DNAI3: variants seen among roughly 807,000 people sequenced by gnomAD.
The protein encoded by DNAI3 is WD repeat domain 63.
Under a neutral mutation model 115.5 loss-of-function variants are expected in DNAI3, and 83 were observed. That is an observed-to-expected ratio of 0.72 (90% CI 0.60 to 0.86). The LOEUF is 0.86. Among genes scored for constraint, DNAI3 ranks in the 40% least tolerant of loss-of-function variants. The probability of loss-of-function intolerance (pLI) is 0.00; values close to 1 mark genes in which losing one functional copy is unlikely to be tolerated. For missense variants in DNAI3, 1,004 were observed against 1,075.8 expected, an observed-to-expected ratio of 0.93 and a Z score of 0.93; for synonymous variants, 320 against 347.0, an observed-to-expected ratio of 0.92 and a Z score of 0.86.
chr1:85,077,501 A>T (rs1654494787), intron 3 of DNAI3, among the ~76,000 whole-genome samples: 1 of 152,172 alleles, frequency 6.6e-6, no homozygotes, highest in Non-Finnish European at 1.5e-5. Flanking sequence ...TCTTTTATGG[A>T]ATACTTGCCA....
rs575261056 is a variant in DNAI3 at position 85,129,948 on chromosome 1, C to T, written c.2410-42C>T. On this transcript the variant is annotated intron_variant, in intron 21 of 22. Coordinates refer to ENST00000294664, the MANE Select transcript of DNAI3 (RefSeq NM_145172.5). Reference sequence around the variant, plus strand: ...CAGAGCCTTGTAAAGGTCATGGGGGCTTCCTGCCTGTCACCCTCTCATGGA... The same window carrying T: ...CAGAGCCTTGTAAAGGTCATGGGGGTTTCCTGCCTGTCACCCTCTCATGGA... 4.4e-6 allele frequency: 7 copies of T among 1,587,738 alleles called. No individual in the cohort carries two copies. The East Asian group carries it at 1.6e-4, about 36-fold the overall frequency.
At chr1:85,106,423 A>T (rs1655492796) in intron 14 of DNAI3, among the ~76,000 whole-genome samples, 1 of 152,178 alleles carries the variant, frequency 6.6e-6, no homozygotes, top group African/African-American at 2.4e-5. Context: ...CAACAATAAA[A>T]ACCCAAATGA....
At position 85,090,128 on chromosome 1, in the gene DNAI3, A is replaced by G. The variant is rs752757247; in HGVS notation, c.753A>G (p.Lys251=). 2.6e-6 allele frequency: 4 copies of G among 1,554,268 alleles called. No individual in the cohort carries two copies. Among genetic ancestry groups the G allele is most frequent in the Non-Finnish European group, 3.5e-6 (4 of 1,154,016 alleles). ...ISTQTKWTYP[K]NATTQYYPRE... ...TTTAATATATTAGGACATATCCTAA[A>G]AATGCTACTACGCAATATTATCCAA... The change falls in exon 8 of 23, where the codon AAA becomes AAG. Residue 251 remains lysine, a synonymous_variant. Coordinates refer to ENST00000294664, the MANE Select transcript of DNAI3 (RefSeq NM_145172.5).
intron 14 of DNAI3, among the ~76,000 whole-genome samples, chr1:85,107,008 A>T (rs1194766224): frequency 1.3e-5 from 2 of 152,228 alleles, no homozygotes; most frequent in African/African-American, 4.8e-5. Flanking sequence ...GCACAAATGC[A>T]ACCCAAAACT....
At chr1:85,110,279 G>A in intron 16 of DNAI3, 144 bp downstream of exon 16, 4 of 628,598 alleles carry the variant, frequency 6.4e-6, no homozygotes, top group Non-Finnish European at 7.7e-6. Context: ...GTGAAACCCC[G>A]TCTCTACTAA....
intron 17 of DNAI3, among the ~76,000 whole-genome samples, chr1:85,118,089 T>G (rs576144329): frequency 1.3e-5 from 2 of 152,342 alleles, no homozygotes; most frequent in South Asian, 4.1e-4. Flanking sequence ...ACTTTTTAAC[T>G]AATAATATAT....
chr1:85,126,747 A>G (rs1656155615), intron 20 of DNAI3, 32 bp downstream of exon 20: 1 of 1,611,590 alleles, frequency 6.2e-7, no homozygotes, highest in African/African-American at 1.3e-5. Context: ...AAGCTAAGTC[A>G]TTTTGGGTAA....
intron 13 of DNAI3, among the ~76,000 whole-genome samples, chr1:85,101,870 A>G (rs749796388): frequency 6.6e-6 from 1 of 152,040 alleles, no homozygotes; most frequent in Non-Finnish European, 1.5e-5. Flanking sequence ...AATGATTGAC[A>G]GATTCAAAAT....
chr1:85,113,864 A>G (rs765280872), intron 16 of DNAI3, among the ~76,000 whole-genome samples: 7 of 152,144 alleles, frequency 4.6e-5, no homozygotes, highest in Non-Finnish European at 8.8e-5. Context: ...TTTCTCAGAT[A>G]TGTTTTGTAT....
At chr1:85,077,748 T>A (rs1299162964) in intron 3 of DNAI3, among the ~76,000 whole-genome samples, 2 of 152,146 alleles carry the variant, frequency 1.3e-5, no homozygotes, top group African/African-American at 4.8e-5. Flanking sequence ...TTTATCTTGA[T>A]TGTGGTAATG....
At chr1:85,109,972 GA>G in intron 15 of DNAI3, 75 bp from the exon 16 acceptor site, 1 of 1,417,316 alleles carries the variant, frequency 7.1e-7, no homozygotes, top group Non-Finnish European at 9.9e-7. Flanking sequence ...GAGCAGAAGG[GA>G]AAGGCAAGAA....
In DNAI3 at chr1:85,084,684, T is replaced by C. The variant is rs781647107; in HGVS notation, c.529T>C (p.Ser177Pro). The change falls in exon 6 of 23, where the codon TCT becomes CCT. Residue 177 changes from serine to proline, a missense_variant. Coordinates refer to ENST00000294664, the MANE Select transcript of DNAI3 (RefSeq NM_145172.5). The part of the protein sequence containing the change: ...KEIEEESVTE[S>P]TKQITYMISR... ...AATTGAGGAAGAATCAGTTACGGAA[T>C]CTACAAAGCAGGTTAGAGGGTTATA... 5.2e-6 allele frequency: 8 copies of C among 1,525,208 alleles called. No individual in the cohort carries two copies. Among genetic ancestry groups the C allele is most frequent in the South Asian group, 1.3e-5 (1 of 75,888 alleles). The allele number at this position is 1,525,208 out of a possible 1,614,324, so 94.5% of individuals were successfully genotyped here.
chr1:85,081,294 G>A lies in DNAI3; in HGVS notation c.164G>A (p.Arg55Gln), dbSNP rs370422920. The part of the protein sequence containing the change: ...TTKTQEIFNC[R>Q]IDEDVTDEQP... ...AAGACCCAAGAAATATTTAACTGCC[G>A]AATAGATGAAGATGTCACAGATGAA... Residue 55 changes from arginine (R) to glutamine (Q), a missense_variant, in exon 4 of 23, where the codon CGA (arginine) becomes CAA (glutamine). Physicochemically the swap from Arg to Gln is conservative, Grantham distance 43 (BLOSUM62 1). Coordinates refer to ENST00000294664, the MANE Select transcript of DNAI3 (RefSeq NM_145172.5). 69 of 1,599,954 alleles carry A rather than the reference G, an allele frequency of 4.3e-5. No homozygotes were observed. Among genetic ancestry groups the A allele is most frequent in the Non-Finnish European group, 5.4e-5 (64 of 1,175,468 alleles).
At chr1:85,072,756 C>G (rs536747648) in intron 2 of DNAI3, among the ~76,000 whole-genome samples, 6 of 151,502 alleles carry the variant, frequency 4.0e-5, no homozygotes, top group East Asian at 1.9e-4. Flanking sequence ...GAGATGGAGA[C>G]CATCCTGGTT....
chr1:85,094,765 T>C (rs985412958), intron 10 of DNAI3, among the ~76,000 whole-genome samples: 1 of 152,252 alleles, frequency 6.6e-6, no homozygotes, highest in African/African-American at 2.4e-5. Flanking sequence ...AACATGCTAT[T>C]TTTTTCAAAG....
rs1357208839 is a variant in DNAI3, at chr1:85,110,472, AATAAATAAATAC to A, written c.1786+340_1786+351del. 7.5e-4 allele frequency among the ~76,000 whole-genome samples: 114 copies of A among 151,140 alleles called. 1 individual carries two copies. The highest frequency in any genetic ancestry group is 2.6e-3 in the African/African-American group (107 of 41,322). On this transcript the variant is annotated intron_variant, in intron 16 of 22. Coordinates refer to ENST00000294664, the MANE Select transcript of DNAI3 (RefSeq NM_145172.5). Reference sequence around the variant, plus strand: ...TCTCAAATAAATAAATAAATAAATAAATAAATAAATACATTTACTAATTTGAGTGTTAGTAGC... The same window carrying A: ...TCTCAAATAAATAAATAAATAAATAAATTTACTAATTTGAGTGTTAGTAGC...
intron 4 of DNAI3, 33 bp downstream of exon 4, chr1:85,081,448 T>C: frequency 6.6e-7 from 1 of 1,505,772 alleles, no homozygotes; most frequent in South Asian, 1.4e-5. Flanking sequence ...TTTTCAGTCC[T>C]ACCTCAAGAA....
intron 1 of DNAI3, among the ~76,000 whole-genome samples, chr1:85,065,953 C>T (rs992323718): frequency 2.6e-5 from 4 of 152,126 alleles, no homozygotes; most frequent in Admixed American, 6.5e-5. Flanking sequence ...CAGGGTTCCT[C>T]GTAATCAAGT....
chr1:85,131,505 G>T (rs1656323631), intron 22 of DNAI3, among the ~76,000 whole-genome samples: 1 of 147,702 alleles, frequency 6.8e-6, no homozygotes, highest in African/African-American at 2.5e-5. Flanking sequence ...TGCTGCATTA[G>T]CAAATAAATT....
Sources: allele counts gnomAD v4.1 joint callset (sites outside exome capture counted in the v4.1 genomes callset), GRCh38; gene constraint gnomAD v4.1.1; transcripts MANE v1.5; gene names NCBI Gene and HGNC (gene_info 2026-07-23, HGNC 2026-07-21).